Variants in CAMSAP2 observed in about 807,000 individuals in gnomAD.
The protein encoded by CAMSAP2 is calmodulin regulated spectrin associated protein family member 2.
A neutral mutation model predicts 146.1 loss-of-function variants in CAMSAP2; 26 were observed. The observed-to-expected ratio is 0.18, with a 90% CI of 0.13 to 0.25. The LOEUF (loss-of-function observed/expected upper bound fraction) is 0.25. Ranked by LOEUF, CAMSAP2 falls within the 10% of genes least tolerant of loss-of-function variation. CAMSAP2 has a pLI of 1.00. For missense variants in CAMSAP2, 1,381 were observed against 1,759.3 expected (o/e 0.78, Z 3.85); for synonymous variants, 499 against 596.6 (o/e 0.84, Z 2.38).
chr1:200,841,055 C>T (rs1667310854), intron 6 of CAMSAP2, among the ~76,000 whole-genome samples: 1 of 152,048 alleles, frequency 6.6e-6, no homozygotes, highest in South Asian at 2.1e-4. Flanking sequence ...AAATTATTTA[C>T]ATTTTAAAAT....
At position 200,739,837 on chromosome 1, in the gene CAMSAP2, G is replaced by T; in HGVS notation, c.10G>T (p.Ala4Ser). The T allele has an allele frequency of 6.2e-7, 1 of 1,613,590 alleles. No individual in the cohort carries two copies. The highest frequency in any genetic ancestry group is 8.5e-7 in the Non-Finnish European group (1 of 1,179,664). The stretch of plus-strand genomic sequence containing the variant: ...GGAGCCGCGGTGAAAGATGGGGGAT[G>T]CTGCAGACCCCAGGGAGATGAGAAA... MGD[A>S]ADPREMRKTF... The change falls in exon 1 of 17, where the codon GCT (alanine) becomes TCT (serine). Residue 4 changes from alanine (A) to serine (S), a missense_variant. Ala to Ser is a moderately conservative substitution (Grantham distance 99). Transcript: ENST00000358823. This position sits in a 1 kb window ranked among gnomAD's most constrained non-coding sequence, Gnocchi z 4.8.
intron 2 of CAMSAP2, among the ~76,000 whole-genome samples, chr1:200,796,575 A>G (rs1488000701): frequency 6.6e-6 from 1 of 152,034 alleles, no homozygotes; most frequent in Non-Finnish European, 1.5e-5. Flanking sequence ...TCCTAGGAGT[A>G]TGTAGTCTTC....
At chr1:200,838,463 CTG>C (rs1311746435) in intron 6 of CAMSAP2, among the ~76,000 whole-genome samples, 2 of 151,866 alleles carry the variant, frequency 1.3e-5, no homozygotes, top group African/African-American at 2.4e-5. Flanking sequence ...GTTTTACTGA[CTG>C]TTTTTTTTAG....
intron 2 of CAMSAP2, among the ~76,000 whole-genome samples, chr1:200,777,277 T>C (rs958159313): frequency 1.3e-5 from 2 of 152,194 alleles, no homozygotes; most frequent in African/African-American, 4.8e-5. Context: ...CCTTTATTCC[T>C]CATGGTGCTT....
At chr1:200,803,671 A>G (rs1309893570) in intron 2 of CAMSAP2, among the ~76,000 whole-genome samples, 8 of 152,276 alleles carry the variant, frequency 5.3e-5, no homozygotes, top group Middle Eastern at 3.4e-3. Flanking sequence ...AGTGAATATC[A>G]TATGGAAATA....
chr1:200,798,063 T>G (rs1320248519), intron 2 of CAMSAP2, among the ~76,000 whole-genome samples: 8 of 150,260 alleles, frequency 5.3e-5, no homozygotes, highest in Admixed American at 5.3e-4. Context: ...CATGCTGTTT[T>G]GGTTACTGTA....
At chr1:200,822,134 C>T (rs927336558) in intron 4 of CAMSAP2, among the ~76,000 whole-genome samples, 4 of 126,460 alleles carry the variant, frequency 3.2e-5, no homozygotes, top group South Asian at 3.1e-4. Context: ...CTCTCTCTCT[C>T]GCTCTACACA....
intron 4 of CAMSAP2, among the ~76,000 whole-genome samples, chr1:200,829,213 T>C (rs1052366129): frequency 2.6e-5 from 4 of 152,256 alleles, no homozygotes; most frequent in South Asian, 2.1e-4. Flanking sequence ...TAAATAATTT[T>C]AGTAAATATT....
At chr1:200,825,434 C>T (rs1173232254) in intron 4 of CAMSAP2, among the ~76,000 whole-genome samples, 1 of 151,784 alleles carries the variant, frequency 6.6e-6, no homozygotes, top group Non-Finnish European at 1.5e-5. Flanking sequence ...GCAGTTTGCT[C>T]TTTTCAGTAA....
intron 4 of CAMSAP2, among the ~76,000 whole-genome samples, chr1:200,826,669 G>A (rs1666914551): frequency 6.6e-6 from 1 of 152,094 alleles, no homozygotes; most frequent in Non-Finnish European, 1.5e-5. Flanking sequence ...TTAATGGCAA[G>A]TCCTAAAACA....
chr1:200,776,057 C>T (rs1665270191), intron 2 of CAMSAP2, among the ~76,000 whole-genome samples: 1 of 151,500 alleles, frequency 6.6e-6, no homozygotes, highest in South Asian at 2.1e-4. Flanking sequence ...GAGTAATAAT[C>T]AGATAAGAAC....
Position 200,847,282 on chromosome 1 carries a change from T to C in CAMSAP2, c.1182T>C (p.Ser394=), listed in dbSNP as rs777630710. ...PSRYSRPQAH[S]SASGGIRRSS... ...GGTATTCACGTCCCCAGGCTCATTC[T>C]TCAGCCTCAGGTAATATATTTGAAA... is the stretch of plus-strand genomic sequence containing the variant. The change falls in exon 9 of 17, where the codon TCT becomes TCC. Residue 394 remains serine, a synonymous_variant. Transcript: ENST00000358823. 1 of 1,609,010 alleles carries C rather than the reference T, an allele frequency of 6.2e-7. No individual in the cohort carries two copies. The highest frequency in any genetic ancestry group is 2.2e-5 in the East Asian group (1 of 44,788).
At position 200,853,157 on chromosome 1, in the gene CAMSAP2, A is replaced by G; in HGVS notation, c.3603-118A>G. The G allele has an allele frequency of 1.1e-6, 1 of 884,360 alleles. No homozygotes were observed. The highest frequency in any genetic ancestry group is 1.8e-6 in the Non-Finnish European group (1 of 566,542). The allele number at this position is 884,360 out of a possible 1,614,324, so 54.8% of individuals were successfully genotyped here. A position where few individuals can be genotyped will look rare whatever the true frequency, so the allele number is the denominator to read the frequency against. ...TCGTCAAGTACCTTTTAAATGAACCATTTATTCACCAAGGTGATGAAATAG... is the reference window on the plus strand; with the variant it reads ...TCGTCAAGTACCTTTTAAATGAACCGTTTATTCACCAAGGTGATGAAATAG... On this transcript the variant is annotated intron_variant, in intron 12 of 16. Coordinates refer to ENST00000358823, the MANE Select transcript of CAMSAP2 (RefSeq NM_203459.4). The surrounding 1 kb of genome is among the most constrained non-coding windows in gnomAD (Gnocchi z 5.1).
At chr1:200,809,586 C>T (rs1666271428) in intron 3 of CAMSAP2, among the ~76,000 whole-genome samples, 1 of 152,146 alleles carries the variant, frequency 6.6e-6, no homozygotes, top group South Asian at 2.1e-4. Flanking sequence ...CAAACATTAG[C>T]TGAGCATGGT....
chr1:200,847,894 C>T (rs1421873644), intron 10 of CAMSAP2, 138 bp from the exon 11 acceptor site: 10 of 781,486 alleles, frequency 1.3e-5, no homozygotes, highest in Non-Finnish European at 2.0e-5. Flanking sequence ...CTAGATAGCC[C>T]TCCCCTTACC....
intron 2 of CAMSAP2, among the ~76,000 whole-genome samples, chr1:200,791,303 CT>C (rs199627769): frequency 2.0e-5 from 3 of 150,590 alleles, no homozygotes; most frequent in Middle Eastern, 3.4e-3. Flanking sequence ...AGATTTCTTT[CT>C]TTTTTTTTCG....
rs1232751111 is a variant in CAMSAP2, at chr1:200,857,855, C to T, written c.4233C>T (p.Ile1411=). The T allele has an allele frequency of 6.2e-7, 1 of 1,613,624 alleles. No individual in the cohort carries two copies. Among genetic ancestry groups the T allele is most frequent in the Non-Finnish European group, 8.5e-7 (1 of 1,179,722 alleles). The change falls in exon 17 of 17, where the codon ATC becomes ATT. Residue 1411 remains isoleucine (I), a synonymous_variant. Coordinates refer to ENST00000358823, the MANE Select transcript of CAMSAP2 (RefSeq NM_203459.4). The surrounding 1 kb of genome is among the most constrained non-coding windows in gnomAD (Gnocchi z 4.7). The part of the protein sequence containing the change: ...LYTYCPETEE[I]NKLTGIGPKS... ...CTTATTGCCCAGAAACTGAAGAAAT[C>T]AATAAACTGACTGGGATAGGCCCTA...
intron 4 of CAMSAP2, among the ~76,000 whole-genome samples, chr1:200,817,313 T>G (rs539530322): frequency 7.2e-4 from 109 of 151,118 alleles, no homozygotes; most frequent in African/African-American, 1.1e-3. Flanking sequence ...ACAGTATGGT[T>G]GTTCTGTGAA....
At chr1:200,740,049 C>A in intron 1 of CAMSAP2, 83 bp downstream of exon 1, 1 of 1,472,574 alleles carries the variant, frequency 6.8e-7, no homozygotes, top group Non-Finnish European at 9.4e-7. Flanking sequence ...TCGAATCCCT[C>A]CCTCCCCGTG....
Sources: allele counts gnomAD v4.1 joint callset (sites outside exome capture counted in the v4.1 genomes callset), GRCh38; gene constraint gnomAD v4.1.1; non-coding constraint Gnocchi (gnomAD v3.1); transcripts MANE v1.5; gene names NCBI Gene and HGNC (gene_info 2026-07-23, HGNC 2026-07-21).